The following SLC39A11 variants were observed in gnomAD, a reference collection of about 807,000 sequenced individuals.
SLC39A11 encodes the protein solute carrier family 39 member 11.
SLC39A11 carries 33 observed loss-of-function variants against 36.1 expected under a neutral mutation model. The observed-to-expected ratio is 0.91, with a 90% CI of 0.69 to 1.22. The LOEUF is 1.22. SLC39A11 is among the 50% of genes most tolerant of loss of function. SLC39A11 has a pLI of 0.00. For missense variants in SLC39A11, 432 were observed against 430.3 expected, an observed-to-expected ratio of 1.00 and a Z score of -0.03; for synonymous variants, 166 against 170.3, an observed-to-expected ratio of 0.97 and a Z score of 0.20.
intron 5 of SLC39A11, among the ~76,000 whole-genome samples, chr17:72,880,466 G>A (rs551236733): frequency 6.6e-6 from 1 of 152,182 alleles, no homozygotes; most frequent in African/African-American, 2.4e-5. Context: ...CAGCTACTTG[G>A]GAGACTGATG....
At chr17:72,808,045 C>T (rs200716396) in intron 6 of SLC39A11, among the ~76,000 whole-genome samples, 4 of 149,710 alleles carry the variant, frequency 2.7e-5, no homozygotes, top group African/African-American at 9.8e-5. Context: ...TTGGTTGTTA[C>T]AGGAAAAAAA....
chr17:72,974,747 CACTCACTG>C (rs957641953), intron 4 of SLC39A11, among the ~76,000 whole-genome samples: 9 of 152,234 alleles, frequency 5.9e-5, no homozygotes, highest in African/African-American at 1.9e-4. Flanking sequence ...ACTCACCACT[CACTCACTG>C]ACTCACTGAC....
intron 6 of SLC39A11, among the ~76,000 whole-genome samples, chr17:72,814,943 A>T (rs1278828206): frequency 2.0e-5 from 3 of 152,180 alleles, no homozygotes; most frequent in African/African-American, 7.2e-5. Flanking sequence ...CCACCCAAAC[A>T]CAATCCTTCA....
chr17:73,003,954 T>TGGCGG, intron 4 of SLC39A11, among the ~76,000 whole-genome samples: 1 of 151,748 alleles, frequency 6.6e-6, no homozygotes, highest in Non-Finnish European at 1.5e-5. Flanking sequence ...GGCATGGTGG[T>TGGCGG]GCATGCCTGT....
rs536094254 is a variant in SLC39A11, at chr17:72,953,147, C to T, written c.307-5272G>A. ...GAGGCATGAGGTACCACCCACCCAC[C>T]ACCCAGGGCCACGGAACTTGAGACT... On this transcript the variant is annotated intron_variant, in intron 4 of 9. Coordinates refer to ENST00000255559, the MANE Select transcript of SLC39A11 (RefSeq NM_139177.4). Among the ~76,000 whole-genome samples the T allele has an allele frequency of 3.3e-5, 5 of 152,156 alleles. No homozygotes were observed. The South Asian group carries it at 1.0e-3, about 32-fold the overall frequency.
chr17:72,805,747 T>TTTC lies in SLC39A11; in HGVS notation c.601+43886_601+43887insGAA, dbSNP rs1217334676. Among the ~76,000 whole-genome samples, 253 of 151,058 alleles carry TTTC rather than the reference T, an allele frequency of 1.7e-3. 1 individual carries two copies. The highest frequency in any genetic ancestry group is 5.8e-3 in the African/African-American group (235 of 40,716). Reference sequence around the variant, plus strand: ...CAGAGTTAATTTTTTTTTCTTTTTCTTTTTCTTTTTTTTTTTTCTGAGATG... The same window carrying TTTC: ...CAGAGTTAATTTTTTTTTCTTTTTCTTTCTTTTCTTTTTTTTTTTTCTGAGATG... On this transcript the variant is annotated intron_variant, in intron 6 of 9. Coordinates refer to ENST00000255559, the MANE Select transcript of SLC39A11 (RefSeq NM_139177.4).
chr17:72,647,753 A>G (rs2069625407), intron 9 of SLC39A11, 91 bp from the exon 10 acceptor site: 1 of 952,134 alleles, frequency 1.1e-6, no homozygotes, highest in Admixed American at 2.0e-5. Context: ...GTCCAATTCC[A>G]AGAGAAAGCA....
chr17:73,005,409 T>G (rs946494539), intron 4 of SLC39A11, among the ~76,000 whole-genome samples: 10 of 152,218 alleles, frequency 6.6e-5, no homozygotes, highest in African/African-American at 9.6e-5. Flanking sequence ...ACCTACTGCA[T>G]GCCTGACTGT....
At chr17:72,985,641 G>A (rs1005777091) in intron 4 of SLC39A11, among the ~76,000 whole-genome samples, 1 of 152,038 alleles carries the variant, frequency 6.6e-6, no homozygotes, top group African/African-American at 2.4e-5. Context: ...TCGAACTCCT[G>A]ACCTCAGGTG....
rs114411386 is a variant in SLC39A11, at chr17:72,951,947, G to A, written c.307-4072C>T. ...TCTGTGGGTTGCATTGCTTTATTTC[G>A]GCGTTTTCGGGGCAGGGAGACGAGC... is the stretch of plus-strand genomic sequence containing the variant. On this transcript the variant is annotated intron_variant, in intron 4 of 9. Transcript: ENST00000255559. Among the ~76,000 whole-genome samples, 559 of 151,830 alleles carry A rather than the reference G, an allele frequency of 3.7e-3. 6 individuals carry two copies. The highest frequency in any genetic ancestry group is 0.012 in the African/African-American group (490 of 41,364).
intron 6 of SLC39A11, among the ~76,000 whole-genome samples, chr17:72,738,148 G>T (rs554683935): frequency 4.7e-4 from 71 of 152,224 alleles, no homozygotes; most frequent in African/African-American, 1.7e-3. Context: ...GGGACTACAG[G>T]CGCCCGCTAC....
At chr17:72,768,796 T>C (rs111233909) in intron 6 of SLC39A11, among the ~76,000 whole-genome samples, 2,624 of 152,194 alleles carry the variant, frequency 0.017, 75 homozygotes, top group African/African-American at 0.059. Flanking sequence ...AGTCTTGCTC[T>C]GTCACCCAGG....
intron 5 of SLC39A11, among the ~76,000 whole-genome samples, chr17:72,878,054 G>A (rs1057510975): frequency 5.6e-5 from 8 of 143,182 alleles, no homozygotes; most frequent in Non-Finnish European, 1.2e-4. Context: ...CCGCCTATGA[G>A]TGAGAACACG....
chr17:73,075,220 C>A (rs1022099413), intron 3 of SLC39A11, among the ~76,000 whole-genome samples: 1 of 152,176 alleles, frequency 6.6e-6, no homozygotes, highest in Non-Finnish European at 1.5e-5. Flanking sequence ...AAGATGTTTG[C>A]CAACCTGTGC....
chr17:72,919,871 C>T (rs1037449075), intron 5 of SLC39A11, among the ~76,000 whole-genome samples: 2 of 152,012 alleles, frequency 1.3e-5, no homozygotes, highest in Non-Finnish European at 2.9e-5. Context: ...AATTCACTTT[C>T]GGAGAGCCGG....
At chr17:72,982,991 T>C (rs550896863) in intron 4 of SLC39A11, among the ~76,000 whole-genome samples, 1 of 152,238 alleles carries the variant, frequency 6.6e-6, no homozygotes, top group East Asian at 1.9e-4. Flanking sequence ...CTATTAAATA[T>C]CCACCAGGAT....
intron 7 of SLC39A11, among the ~76,000 whole-genome samples, chr17:72,700,943 G>A (rs1482714573): frequency 6.6e-6 from 1 of 152,202 alleles, no homozygotes; most frequent in African/African-American, 2.4e-5. Flanking sequence ...GGAATTAGGG[G>A]AGCTACAATT....
chr17:73,085,782 G>A (rs1201981876), intron 2 of SLC39A11, among the ~76,000 whole-genome samples: 1 of 152,008 alleles, frequency 6.6e-6, no homozygotes, highest in African/African-American at 2.4e-5. Context: ...GAATGCACTT[G>A]TATTCAACAA....
chr17:73,039,852 A>G (rs1382439985), intron 3 of SLC39A11, among the ~76,000 whole-genome samples: 1 of 152,130 alleles, frequency 6.6e-6, no homozygotes, highest in Admixed American at 6.6e-5. Context: ...GCTGACACCA[A>G]AGAGATTCAG....
Sources: gnomAD v4.1 joint callset for allele counts (sites outside exome capture counted in the v4.1 genomes callset) on GRCh38, gnomAD v4.1.1 for gene constraint, MANE v1.5 for transcripts, NCBI Gene and HGNC (gene_info 2026-07-23, HGNC 2026-07-21) for gene names.